Variants in CCDC171 observed in about 807,000 individuals in gnomAD.
The protein encoded by CCDC171 is coiled-coil domain-containing protein 171.
In CCDC171, 177 loss-of-function variants were observed where a neutral mutation model predicts 168.2. The ratio of observed to expected loss-of-function variants is 1.05; its 90% CI spans 0.93 to 1.19. The LOEUF is 1.19. Ranked by LOEUF, CCDC171 falls within the 50% of genes most tolerant of loss-of-function variation. The pLI is 0.00. For synonymous variants in CCDC171, 687 were observed against 540.8 expected, an observed-to-expected ratio of 1.27 and a Z score of -3.75; for missense variants, 1,991 against 1,539.0, an observed-to-expected ratio of 1.29 and a Z score of -4.91.
At chr9:15,771,745 C>T (rs2057024336) in intron 18 of CCDC171, among the ~76,000 whole-genome samples, 1 of 152,252 alleles carries the variant, frequency 6.6e-6, no homozygotes, top group Non-Finnish European at 1.5e-5. Context: ...ACTTTCGATA[C>T]ATTAAATCTT....
intron 3 of CCDC171, among the ~76,000 whole-genome samples, chr9:15,988,922 G>A (rs954674102): frequency 2.0e-5 from 3 of 152,174 alleles, no homozygotes; most frequent in Non-Finnish European, 4.4e-5. Flanking sequence ...GGTAAACAAA[G>A]CGGCCGGGAA....
intron 6 of CCDC171, among the ~76,000 whole-genome samples, chr9:15,601,193 G>C (rs919106186): frequency 1.3e-5 from 2 of 152,162 alleles, no homozygotes; most frequent in Non-Finnish European, 2.9e-5. Context: ...TACCTGAGTT[G>C]GAAATGCAGA....
the CCDC171 span, among the ~76,000 whole-genome samples, chr9:16,089,405 G>C: frequency 6.6e-6 from 1 of 151,844 alleles, no homozygotes; most frequent in Non-Finnish European, 1.5e-5. Context: ...GTCAATTTTG[G>C]CTTTTGTTGC....
chr9:15,615,575 G>A (rs1278454969), intron 6 of CCDC171, among the ~76,000 whole-genome samples: 1 of 152,108 alleles, frequency 6.6e-6, no homozygotes, highest in Admixed American at 6.5e-5. Context: ...TATCATAGCA[G>A]TAATATAGTA....
intron 24 of CCDC171, among the ~76,000 whole-genome samples, chr9:15,891,789 C>G (rs1021368313): frequency 1.1e-4 from 16 of 152,052 alleles, no homozygotes; most frequent in African/African-American, 3.9e-4. Flanking sequence ...GGTGAGATGA[C>G]AGAGAATGAA....
the CCDC171 span, among the ~76,000 whole-genome samples, chr9:16,101,983 A>ATTTTT: frequency 6.6e-6 from 1 of 152,204 alleles, no homozygotes; most frequent in African/African-American, 2.4e-5. Flanking sequence ...GAGGTATAAA[A>ATTTTT]ATACACGTTG....
intron 23 of CCDC171, among the ~76,000 whole-genome samples, chr9:15,867,186 G>A (rs1264175433): frequency 1.3e-5 from 2 of 152,018 alleles, no homozygotes; most frequent in Non-Finnish European, 1.5e-5. Flanking sequence ...AGAGTGGATT[G>A]TGGAATGGAA....
the CCDC171 span, among the ~76,000 whole-genome samples, chr9:16,070,581 G>C: frequency 6.6e-6 from 1 of 152,168 alleles, no homozygotes; most frequent in Non-Finnish European, 1.5e-5. Flanking sequence ...GCCAGGGTGG[G>C]TGTGAGGAAG....
chr9:16,009,326 A>G (rs527995919), intron 3 of CCDC171, among the ~76,000 whole-genome samples: 3 of 152,326 alleles, frequency 2.0e-5, no homozygotes, highest in East Asian at 3.9e-4. Flanking sequence ...CATTCCTGAT[A>G]TCAAAGTAGA....
At chr9:16,059,667 A>G (rs1431678435) in intron 1 of CCDC171, among the ~76,000 whole-genome samples, 1 of 149,562 alleles carries the variant, frequency 6.7e-6, no homozygotes, top group Non-Finnish European at 1.5e-5. Flanking sequence ...GGCGCCCGCC[A>G]CCGCGCCCGG....
intron 23 of CCDC171, among the ~76,000 whole-genome samples, chr9:15,855,490 C>T (rs1014289596): frequency 3.3e-5 from 5 of 151,706 alleles, no homozygotes; most frequent in South Asian, 2.1e-4. Flanking sequence ...TTTTGAAAAA[C>T]ATTCATTTTG....
At chr9:15,984,720 G>T (rs1831929537) in intron 3 of CCDC171, among the ~76,000 whole-genome samples, 1 of 152,088 alleles carries the variant, frequency 6.6e-6, no homozygotes, top group African/African-American at 2.4e-5. Flanking sequence ...CTCATGATTT[G>T]ATATTTGATG....
At chr9:15,852,472 G>T (rs1322957121) in intron 23 of CCDC171, among the ~76,000 whole-genome samples, 1 of 151,460 alleles carries the variant, frequency 6.6e-6, no homozygotes, top group Non-Finnish European at 1.5e-5. Flanking sequence ...TGCATATTCT[G>T]GATACTAGAA....
intron 2 of CCDC171, among the ~76,000 whole-genome samples, chr9:15,565,344 G>A (rs370893677): frequency 3.9e-5 from 6 of 152,166 alleles, no homozygotes; most frequent in African/African-American, 1.4e-4. Flanking sequence ...CCACATCAAT[G>A]TATCAAAGTT....
chr9:16,044,707 G>A (rs1402980561), intron 1 of CCDC171, among the ~76,000 whole-genome samples: 1 of 152,106 alleles, frequency 6.6e-6, no homozygotes. Context: ...AAGTGCACAG[G>A]GAGGAGGACG....
chr9:15,896,503 G>A (rs970277893), intron 24 of CCDC171, among the ~76,000 whole-genome samples: 3 of 152,034 alleles, frequency 2.0e-5, no homozygotes, highest in African/African-American at 7.2e-5. Flanking sequence ...AATGAACTTA[G>A]ATTCTCTTTT....
intron 3 of CCDC171, among the ~76,000 whole-genome samples, chr9:16,013,265 C>T (rs899149754): frequency 1.3e-5 from 2 of 152,174 alleles, no homozygotes; most frequent in African/African-American, 2.4e-5. Context: ...CCATCACAGC[C>T]TCTCCAGTCA....
chr9:16,045,740 A>G (rs1833650456), intron 1 of CCDC171, among the ~76,000 whole-genome samples: 1 of 152,164 alleles, frequency 6.6e-6, no homozygotes, highest in African/African-American at 2.4e-5. Context: ...AGCTGCTGGG[A>G]TGAGGCAGGC....
intron 7 of CCDC171, among the ~76,000 whole-genome samples, chr9:15,649,846 C>A (rs2047362724): frequency 6.6e-6 from 1 of 152,210 alleles, no homozygotes; most frequent in Non-Finnish European, 1.5e-5. Context: ...TGTGGCAATT[C>A]CTCAAGGATC....
Sources: gnomAD v4.1 joint callset for allele counts (sites outside exome capture counted in the v4.1 genomes callset) on GRCh38, gnomAD v4.1.1 for gene constraint, MANE v1.5 for transcripts, NCBI Gene and HGNC (gene_info 2026-07-23, HGNC 2026-07-21) for gene names.